LPIN1: variants seen among roughly 807,000 people sequenced by gnomAD.
The protein encoded by LPIN1 is phosphatidate phosphatase LPIN1.
LPIN1 carries 71 observed loss-of-function variants against 107.5 expected under a neutral mutation model. The ratio of observed to expected loss-of-function variants is 0.66; its 90% confidence interval spans 0.55 to 0.80. The LOEUF (loss-of-function observed/expected upper bound fraction) is 0.80, where lower values mean the gene tolerates loss of function less well. Ranked by LOEUF, LPIN1 falls within the 30% of genes least tolerant of loss-of-function variation. The pLI is 0.00. For missense variants in LPIN1, 1,043 were observed against 1,160.6 expected (o/e 0.90, Z 1.47); for synonymous variants, 445 against 452.6 (o/e 0.98, Z 0.21).
upstream of LPIN1, among the ~76,000 whole-genome samples, chr2:11,742,407 T>C (rs1347965373): frequency 4.6e-5 from 7 of 152,216 alleles, no homozygotes; most frequent in South Asian, 4.1e-4. Flanking sequence ...ATTCTGTCTG[T>C]GTAGCTGTTT....
At position 11,767,876 on chromosome 2, in the gene LPIN1, G is replaced by A. The variant is rs1459858879; in HGVS notation, c.288+18G>A. On this transcript the variant is annotated intron_variant, in intron 3 of 20. Coordinates refer to ENST00000674199, the MANE Select transcript of LPIN1 (RefSeq NM_001349206.2). ...ATGATCAGGTAAGGAAGCCTGGGTG[G>A]TCAGGGTTACTTCCTAGTTTTGAGC... 6.6e-7 allele frequency: 1 copy of A among 1,509,518 alleles called. No individual in the cohort carries two copies. 93.5% of individuals were successfully genotyped at this position (1,509,518 alleles called of 1,614,324 possible). A position where few individuals can be genotyped will look rare whatever the true frequency, so the allele number is the denominator to read the frequency against.
intron 1 of LPIN1, among the ~76,000 whole-genome samples, chr2:11,756,376 CTTTA>C (rs999335822): frequency 1.3e-5 from 2 of 152,030 alleles, no homozygotes; most frequent in African/African-American, 2.4e-5. Flanking sequence ...ATTCAAATCC[CTTTA>C]TTTATTTATT....
chr2:11,759,804 G>A (rs1158378170), intron 1 of LPIN1, among the ~76,000 whole-genome samples: 14 of 133,990 alleles, frequency 1.0e-4, no homozygotes, highest in African/African-American at 3.4e-4. Flanking sequence ...GCGGCTGGCC[G>A]GGCGGGGGCT....
At chr2:11,730,130 C>T (rs376680810) in intron 1 of LPIN1, among the ~76,000 whole-genome samples, 1 of 152,242 alleles carries the variant, frequency 6.6e-6, no homozygotes, top group East Asian at 1.9e-4. Flanking sequence ...CATCGACCCA[C>T]AGCTCTTAGA....
At position 11,755,045 on chromosome 2, in the gene LPIN1, A is replaced by G. The variant is rs557497261; in HGVS notation, c.-10+8374A>G. On this transcript the variant is annotated intron_variant, in intron 1 of 20. Coordinates refer to ENST00000674199, the MANE Select transcript of LPIN1 (RefSeq NM_001349206.2). ...CAGTGGCACGATCTCGGCTCACTGC[A>G]AGCTCTGCCTCCCGGGTTCACGCCA... is the stretch of plus-strand genomic sequence containing the variant. Among the ~76,000 whole-genome samples the G allele has an allele frequency of 3.7e-4, 56 of 150,426 alleles. 1 individual carries two copies. Among genetic ancestry groups the G allele is most frequent in the African/African-American group, 1.2e-3 (50 of 40,744 alleles).
chr2:11,687,569 G>T (rs1007702029), intron 1 of LPIN1, among the ~76,000 whole-genome samples: 8 of 152,210 alleles, frequency 5.3e-5, no homozygotes, highest in Non-Finnish European at 1.0e-4. Flanking sequence ...GGGGAGAATT[G>T]CATTTAGTAG....
upstream of LPIN1, among the ~76,000 whole-genome samples, chr2:11,744,744 T>G (rs1487100970): frequency 2.6e-5 from 4 of 152,162 alleles, no homozygotes; most frequent in Non-Finnish European, 5.9e-5. Flanking sequence ...AGCTCCTCCC[T>G]GGAGGTGGGA....
intron 12 of LPIN1, among the ~76,000 whole-genome samples, chr2:11,789,294 CCTGTGT>C (rs768665129): frequency 6.0e-5 from 9 of 150,378 alleles, no homozygotes; most frequent in Non-Finnish European, 8.9e-5. Flanking sequence ...TGTGCCTGTG[CCTGTGT>C]GTCAGTGTGT....
At chr2:11,799,938 A>G (rs977848599) in intron 14 of LPIN1, among the ~76,000 whole-genome samples, 3 of 152,100 alleles carry the variant, frequency 2.0e-5, no homozygotes, top group African/African-American at 2.4e-5. Flanking sequence ...TCAGCCCCCA[A>G]TGTCATGGCG....
At position 11,787,392 on chromosome 2, in the gene LPIN1, C is replaced by CTTTTTTTTTTTTTTTTTT. The variant is rs1219054361; in HGVS notation, c.1643+230_1643+231insTTTTTTTTTTTTTTTTTT. Among the ~76,000 whole-genome samples, 5 of 113,690 alleles carry CTTTTTTTTTTTTTTTTTT rather than the reference C, an allele frequency of 4.4e-5. 1 individual carries two copies. Among genetic ancestry groups the CTTTTTTTTTTTTTTTTTT allele is most frequent in the African/African-American group, 1.5e-4 (4 of 26,074 alleles). 74.6% of individuals were successfully genotyped at this position (113,690 alleles called of 152,430 possible). ...AGTCTTGTGAGTTTTCTTTTCTTTT[C>CTTTTTTTTTTTTTTTTTT]TTTTTCTTTTTTTTTTTTTTTTTTT... On this transcript the variant is annotated intron_variant, in intron 11 of 20. Coordinates refer to ENST00000674199, the MANE Select transcript of LPIN1 (RefSeq NM_001349206.2).
At chr2:11,683,822 G>A (rs1661858204) in intron 1 of LPIN1, among the ~76,000 whole-genome samples, 1 of 152,178 alleles carries the variant, frequency 6.6e-6, no homozygotes, top group African/African-American at 2.4e-5. Flanking sequence ...TTGTCATCCA[G>A]GTGCCCTGGC....
At chr2:11,763,507 C>G (rs1219079439) in intron 1 of LPIN1, among the ~76,000 whole-genome samples, 1 of 152,156 alleles carries the variant, frequency 6.6e-6, no homozygotes, top group East Asian at 1.9e-4. Flanking sequence ...CTGTCCCTTT[C>G]CCTCTTTTTC....
chr2:11,773,607 T>G lies in LPIN1; in HGVS notation c.597-13T>G. On this transcript the variant is annotated splice_polypyrimidine_tract_variant and intron_variant, in intron 4 of 20. Transcript: ENST00000674199. ...AGAATTCTTTGACTTTAATCTTTTT[T>G]TTTTTCCTCCAGAACTCTTCCTAAT... The G allele has an allele frequency of 6.2e-7, 1 of 1,608,852 alleles. No homozygotes were observed. The highest frequency in any genetic ancestry group is 8.5e-7 in the Non-Finnish European group (1 of 1,176,068).
intron 1 of LPIN1, among the ~76,000 whole-genome samples, chr2:11,763,815 C>T (rs944896482): frequency 2.0e-5 from 3 of 150,370 alleles, no homozygotes; most frequent in African/African-American, 7.4e-5. Flanking sequence ...TCTCGTTGTA[C>T]CCTGTCCACC....
intron 1 of LPIN1, among the ~76,000 whole-genome samples, chr2:11,702,385 G>T (rs995419813): frequency 2.0e-4 from 30 of 152,172 alleles, no homozygotes; most frequent in African/African-American, 7.0e-4. Flanking sequence ...GTGACGTCCT[G>T]ACAAAAGAGG....
At chr2:11,810,777 C>T (rs188693981) in intron 17 of LPIN1, among the ~76,000 whole-genome samples, 1 of 152,204 alleles carries the variant, frequency 6.6e-6, no homozygotes, top group Non-Finnish European at 1.5e-5. Flanking sequence ...CCAACAGACA[C>T]TCCTCCAATC....
In LPIN1 at chr2:11,763,607, T is replaced by G. The variant is rs536272486; in HGVS notation, c.-9-1926T>G. Among the ~76,000 whole-genome samples the G allele has an allele frequency of 2.6e-4, 40 of 152,276 alleles. No individual in the cohort carries two copies. In the South Asian group the frequency reaches 7.3e-3, roughly 28 times the overall value. On this transcript the variant is annotated intron_variant, in intron 1 of 20. Coordinates refer to ENST00000674199, the MANE Select transcript of LPIN1 (RefSeq NM_001349206.2). Reference sequence around the variant, plus strand: ...GGTTTTTTTCTTGCCAGTCTTTACATTGTTACGGTGATGCTTTTTCTAAAT... The same window carrying G: ...GGTTTTTTTCTTGCCAGTCTTTACAGTGTTACGGTGATGCTTTTTCTAAAT...
intron 9 of LPIN1, 132 bp downstream of exon 9, chr2:11,784,054 C>T (rs780779519): frequency 1.3e-6 from 2 of 1,491,894 alleles, no homozygotes; most frequent in East Asian, 2.5e-5. Context: ...CCTGTAATCC[C>T]AGCACTTTGG....
chr2:11,789,504 G>A (rs1388547427), intron 12 of LPIN1, among the ~76,000 whole-genome samples: 6 of 151,388 alleles, frequency 4.0e-5, no homozygotes, highest in Non-Finnish European at 5.9e-5. Flanking sequence ...GTGTGTGCGC[G>A]TGTGCATGTA....
Sources: gnomAD v4.1 joint callset for allele counts (sites outside exome capture counted in the v4.1 genomes callset) on GRCh38, gnomAD v4.1.1 for gene constraint, MANE v1.5 for transcripts, NCBI Gene and HGNC (gene_info 2026-07-23, HGNC 2026-07-21) for gene names.